Variants in EYS observed in about 807,000 individuals in gnomAD.
EYS encodes the protein EGF-like photoreceptor maintenance factor, also known as protein eyes shut homolog.
Under a neutral mutation model 282.1 loss-of-function variants are expected in EYS, and 250 were observed. That is an observed-to-expected ratio of 0.89 (90% CI 0.80 to 0.98). EYS has a LOEUF of 0.98. Among genes scored for constraint, EYS ranks in the 50% least tolerant of loss-of-function variants. The pLI is 0.00. For missense variants in EYS, 4,016 were observed against 3,709.0 expected (o/e 1.08, Z -2.15); for synonymous variants, 1,355 against 1,282.9 (o/e 1.06, Z -1.20).
intron 2 of EYS, among the ~76,000 whole-genome samples, chr6:65,527,944 G>A (rs35052047): frequency 0.096 from 14,567 of 152,124 alleles, 905 homozygotes; most frequent in South Asian, 0.19. Context: ...ATAGGCTCAC[G>A]ACTATTGGAT....
chr6:65,185,413 C>A (rs1324121014), intron 12 of EYS, among the ~76,000 whole-genome samples: 1 of 151,758 alleles, frequency 6.6e-6, no homozygotes, highest in Non-Finnish European at 1.5e-5. Context: ...GAGCAGCATC[C>A]AGTTTTAGAG....
chr6:65,393,262 T>G (rs1044355871), intron 7 of EYS, among the ~76,000 whole-genome samples: 1 of 151,878 alleles, frequency 6.6e-6, no homozygotes, highest in African/African-American at 2.4e-5. Flanking sequence ...GCATGGCACA[T>G]GTATACATAC....
chr6:64,445,330 G>T (rs1292057804), intron 26 of EYS, among the ~76,000 whole-genome samples: 2 of 151,958 alleles, frequency 1.3e-5, no homozygotes, highest in African/African-American at 4.8e-5. Flanking sequence ...CAGTAATAAT[G>T]GGCTAAAGTA....
At chr6:64,714,516 C>CTTTTTTTTTTTTTTTT (rs55730437) in intron 22 of EYS, among the ~76,000 whole-genome samples, 1 of 127,916 alleles carries the variant, frequency 7.8e-6, no homozygotes, top group Admixed American at 7.9e-5. Flanking sequence ...TTCTTTCTTT[C>CTTTTTTTTTTTTTTTT]TTTTTTTTTT....
intron 22 of EYS, among the ~76,000 whole-genome samples, chr6:64,636,517 A>G (rs1167022169): frequency 3.9e-5 from 6 of 152,286 alleles, no homozygotes; most frequent in African/African-American, 1.4e-4. Context: ...TACCATTCAG[A>G]ACATAGGCAT....
At chr6:65,569,830 G>A (rs1191846935) in intron 2 of EYS, among the ~76,000 whole-genome samples, 1 of 152,254 alleles carries the variant, frequency 6.6e-6, no homozygotes, top group East Asian at 1.9e-4. Flanking sequence ...TTGGGGGTGA[G>A]ACTAATTTGA....
At chr6:64,496,071 T>C (rs1190089975) in intron 26 of EYS, among the ~76,000 whole-genome samples, 1 of 151,868 alleles carries the variant, frequency 6.6e-6, no homozygotes, top group African/African-American at 2.4e-5. Context: ...CTCATTTTAA[T>C]CAAGATATGC....
chr6:65,235,296 CTG>C (rs1766893251), intron 12 of EYS, among the ~76,000 whole-genome samples: 1 of 152,048 alleles, frequency 6.6e-6, no homozygotes, highest in Non-Finnish European at 1.5e-5. Context: ...CTTAATAGTA[CTG>C]TGACTGAGCC....
At chr6:65,524,160 C>T (rs1273418737) in intron 2 of EYS, among the ~76,000 whole-genome samples, 2 of 152,180 alleles carry the variant, frequency 1.3e-5, no homozygotes, top group Non-Finnish European at 2.9e-5. Context: ...GCTTGAGCCA[C>T]CGCATCTGGC....
chr6:65,131,163 T>TGA lies in EYS; in HGVS notation c.2024-73438_2024-73437dup, dbSNP rs556542221. On this transcript the variant is annotated intron_variant, in intron 12 of 42. Transcript: ENST00000503581. ...TCTTAGTTACCTTTGTGTGTGTGTG[T>TGA]GATGAGAAGTTAGTTTTATTGGAGA... Among the ~76,000 whole-genome samples, 975 of 151,956 alleles carry TGA rather than the reference T, an allele frequency of 6.4e-3. 13 individuals are homozygous for TGA. Among genetic ancestry groups the TGA allele is most frequent in the African/African-American group, 0.022 (917 of 41,506 alleles).
chr6:63,736,519 G>A (rs527901052), intron 41 of EYS, among the ~76,000 whole-genome samples: 1,827 of 151,652 alleles, frequency 0.012, 28 homozygotes, highest in African/African-American at 0.042. Context: ...GTCAGGTAGC[G>A]TGATGCCTCC....
At chr6:65,517,080 G>T (rs912134478) in intron 2 of EYS, among the ~76,000 whole-genome samples, 1 of 151,726 alleles carries the variant, frequency 6.6e-6, no homozygotes, top group Non-Finnish European at 1.5e-5. Flanking sequence ...ATAATTCTTA[G>T]CCTCAGTTTC....
At chr6:64,833,101 ACT>A (rs1765274114) in intron 19 of EYS, among the ~76,000 whole-genome samples, 2 of 151,690 alleles carry the variant, frequency 1.3e-5, no homozygotes, top group African/African-American at 2.4e-5. Context: ...AATGCACACA[ACT>A]CTGTTTCTGA....
intron 24 of EYS, among the ~76,000 whole-genome samples, chr6:64,617,066 G>A (rs1023457150): frequency 6.6e-6 from 1 of 152,014 alleles, no homozygotes; most frequent in Non-Finnish European, 1.5e-5. Context: ...ATGTCCTTGG[G>A]CAAAATAAAA....
intron 22 of EYS, among the ~76,000 whole-genome samples, chr6:64,704,959 T>C (rs6900774): frequency 1.2e-3 from 181 of 152,088 alleles, no homozygotes; most frequent in African/African-American, 4.0e-3. Flanking sequence ...TTCAACATAG[T>C]ACTGGAAGTC....
chr6:63,870,676 GTT>G (rs1283233320), intron 35 of EYS, among the ~76,000 whole-genome samples: 1 of 152,120 alleles, frequency 6.6e-6, no homozygotes, highest in Admixed American at 6.5e-5. Flanking sequence ...TCTAAAAGTA[GTT>G]TGTGTCTGCC....
intron 5 of EYS, among the ~76,000 whole-genome samples, chr6:65,460,061 A>G (rs1276960731): frequency 7.7e-6 from 1 of 129,708 alleles, no homozygotes. Flanking sequence ...GTGTGTATAT[A>G]TGTATATATG....
intron 12 of EYS, among the ~76,000 whole-genome samples, chr6:65,254,950 A>C (rs1388435971): frequency 6.6e-6 from 1 of 151,910 alleles, no homozygotes; most frequent in Non-Finnish European, 1.5e-5. Context: ...TATCACTTGA[A>C]TTAGTTCAAG....
At chr6:65,012,890 C>T (rs1230211610) in intron 13 of EYS, among the ~76,000 whole-genome samples, 2 of 146,156 alleles carry the variant, frequency 1.4e-5, no homozygotes, top group Non-Finnish European at 3.0e-5. Flanking sequence ...AAAAATCTAT[C>T]AAGTGGCTAC....
Sources: gnomAD v4.1 joint callset for allele counts (sites outside exome capture counted in the v4.1 genomes callset) on GRCh38, gnomAD v4.1.1 for gene constraint, MANE v1.5 for transcripts, NCBI Gene and HGNC (gene_info 2026-07-23, HGNC 2026-07-21) for gene names.